Variants in GABRR3 observed in about 807,000 individuals in gnomAD.
GABRR3 encodes gamma-aminobutyric acid receptor subunit rho-3.
GABRR3 carries 29 observed loss-of-function variants against 43.2 expected under a neutral mutation model. The observed-to-expected ratio is 0.67, with a 90% CI of 0.50 to 0.92. The LOEUF is 0.92. GABRR3 is among the 40% of genes least tolerant of loss of function. The probability of loss-of-function intolerance (pLI) is 0.00; values close to 1 mark genes in which losing one functional copy is unlikely to be tolerated. For synonymous variants in GABRR3, 206 were observed against 195.9 expected, an observed-to-expected ratio of 1.05 and a Z score of -0.43; for missense variants, 576 against 572.3, an observed-to-expected ratio of 1.01 and a Z score of -0.07.
intron 7 of GABRR3, among the ~76,000 whole-genome samples, chr3:98,005,088 G>A (rs1037399094): frequency 7.9e-5 from 12 of 151,264 alleles, no homozygotes; most frequent in Non-Finnish European, 1.5e-4. Flanking sequence ...GCCTCCCTTC[G>A]GCATTTTTCC....
At chr3:97,985,476 C>T (rs1379474898), downstream of GABRR3, among the ~76,000 whole-genome samples, 5 of 152,224 alleles carry the variant, frequency 3.3e-5, no homozygotes, top group South Asian at 4.1e-4. Flanking sequence ...CTTTGGTATC[C>T]CCCTTTCAGA....
Position 97,986,737 on chromosome 3 carries a change from TA to T in GABRR3, c.1349del (p.Leu450TyrfsTer?). ...TAAATAAAATATACACAATGGGGAATAAAATCCTAGAATAGGTGTCAATGAC... is the reference window on the plus strand; with the variant it reads ...TAAATAAAATATACACAATGGGGAATAAATCCTAGAATAGGTGTCAATGAC... On this transcript the variant is annotated frameshift_variant, in exon 10 of 10. Transcript: ENST00000621172. LOFTEE classifies it high-confidence loss of function. 6.3e-7 allele frequency: 1 copy of T among 1,587,944 alleles called. No individual in the cohort carries two copies. The highest frequency in any genetic ancestry group is 1.1e-5 in the South Asian group (1 of 87,740).
chr3:98,008,748 C>T (rs201515971), intron 6 of GABRR3, among the ~76,000 whole-genome samples: 7 of 144,226 alleles, frequency 4.9e-5, no homozygotes, highest in Admixed American at 1.4e-4. Context: ...TCCCCTGAAC[C>T]TTCTCCTTTA....
downstream of GABRR3, among the ~76,000 whole-genome samples, chr3:97,985,381 T>C (rs373932083): frequency 6.6e-6 from 1 of 152,246 alleles, no homozygotes; most frequent in African/African-American, 2.4e-5. Flanking sequence ...TCATTCAGTT[T>C]TTTCACTCAA....
intron 3 of GABRR3, among the ~76,000 whole-genome samples, chr3:98,023,617 C>T (rs1706978536): frequency 6.6e-6 from 1 of 151,084 alleles, no homozygotes; most frequent in South Asian, 2.1e-4. Context: ...TGAGAACGGT[C>T]GTAAGGAAGA....
rs149891736 is a variant in GABRR3 at position 98,017,560 on chromosome 3, C to T, written c.306+95G>A. ...CAAAGTAGGAGACATAAATAACATA[C>T]ATAATTAAAATGATTTATTAAAACA... On this transcript the variant is annotated intron_variant, in intron 4 of 9. Coordinates refer to ENST00000621172, the Ensembl canonical transcript of GABRR3. The T allele has an allele frequency of 1.1e-4, 95 of 847,372 alleles. No homozygotes were observed. In the East Asian group the frequency reaches 2.3e-3, roughly 21 times the overall value. 52.5% of individuals were successfully genotyped at this position (847,372 alleles called of 1,614,324 possible).
In GABRR3 at chr3:98,007,748, A is replaced by G. The variant is rs759554251; in HGVS notation, c.754+16T>C. 4 of 1,613,118 alleles carry G rather than the reference A, an allele frequency of 2.5e-6. No homozygotes were observed. In the South Asian group the frequency reaches 3.3e-5, roughly 13 times the overall value. On this transcript the variant is annotated intron_variant, in intron 7 of 9. Transcript: ENST00000621172. ...TCCAATAAATGCTGATGAATCACCC[A>G]TGTAAAATGCTGTACCTGTGCTGCT...
chr3:98,017,557 A>T, intron 4 of GABRR3, 98 bp downstream of exon 4: 1 of 827,310 alleles, frequency 1.2e-6, no homozygotes, highest in Non-Finnish European at 2.0e-6. Context: ...CATAAATAAC[A>T]TACATAATTA....
chr3:98,001,551 T>C, intron 8 of GABRR3, 64 bp downstream of exon 8: 7 of 1,570,066 alleles, frequency 4.5e-6, no homozygotes, highest in Non-Finnish European at 6.1e-6. Context: ...GTATGACCCA[T>C]TTTATTTACC....
rs146996322 is a variant in GABRR3 at position 98,033,983 on chromosome 3, A to G, written c.125+880T>C. 2.0e-3 allele frequency among the ~76,000 whole-genome samples: 305 copies of G among 152,294 alleles called. 3 individuals are homozygous for G. The highest frequency in any genetic ancestry group is 1.2e-3 in the East Asian group (6 of 5,182). On this transcript the variant is annotated intron_variant, in intron 2 of 9. Transcript: ENST00000621172. ...GTTCTCTTTCCTGATCTTACAGTGAATGCATAATACATATTTAGGATGTGA... is the reference window on the plus strand; with the variant it reads ...GTTCTCTTTCCTGATCTTACAGTGAGTGCATAATACATATTTAGGATGTGA...
At chr3:98,019,321 T>C (rs893992587) in intron 3 of GABRR3, among the ~76,000 whole-genome samples, 1 of 152,132 alleles carries the variant, frequency 6.6e-6, no homozygotes, top group African/African-American at 2.4e-5. Context: ...ACCCAAGGTA[T>C]GTCTTGCCAG....
chr3:98,000,446 A>C (rs369707948), intron 8 of GABRR3: 1 of 152,134 alleles, frequency 6.6e-6, no homozygotes, highest in Non-Finnish European at 1.5e-5. Context: ...GCCACACTGC[A>C]GTACTGAGGT....
At chr3:98,015,643 G>A (rs796852042) in intron 4 of GABRR3, among the ~76,000 whole-genome samples, 2 of 152,318 alleles carry the variant, frequency 1.3e-5, no homozygotes, top group African/African-American at 4.8e-5. Context: ...ATTAACTCCT[G>A]AAAGTGGTGT....
chr3:98,008,798 CAAA>C (rs57502092), intron 6 of GABRR3, 155 bp downstream of exon 6: 80,832 of 113,784 alleles, frequency 0.71, 27,253 homozygotes, highest in East Asian at 0.92. Context: ...AAACAGAAAC[CAAA>C]AAAAAAAAAA....
intron 2 of GABRR3, among the ~76,000 whole-genome samples, chr3:98,026,793 AG>A (rs1707024540): frequency 6.6e-6 from 1 of 152,216 alleles, no homozygotes; most frequent in Admixed American, 6.5e-5. Flanking sequence ...TAAGACATGT[AG>A]GTGAACTTTC....
At chr3:98,007,764 C>T (rs761858072) in exon 7 of GABRR3, 209 of 1,613,390 alleles carry the variant, frequency 1.3e-4, no homozygotes, top group Non-Finnish European at 1.7e-4. Context: ...AATGCTGTAC[C>T]TGTGCTGCTA....
At chr3:97,993,728 T>C (rs1706501823) in intron 8 of GABRR3, among the ~76,000 whole-genome samples, 1 of 151,966 alleles carries the variant, frequency 6.6e-6, no homozygotes, top group Non-Finnish European at 1.5e-5. Flanking sequence ...TCTTCCCCAT[T>C]CCCCTCCTTT....
intron 7 of GABRR3, among the ~76,000 whole-genome samples, chr3:98,006,023 A>T (rs956463681): frequency 6.6e-6 from 1 of 152,134 alleles, no homozygotes; most frequent in Non-Finnish European, 1.5e-5. Flanking sequence ...TTATTTAAAT[A>T]TTAATTTAAT....
At chr3:98,021,779 T>C (rs1225602870) in intron 3 of GABRR3, among the ~76,000 whole-genome samples, 1 of 152,210 alleles carries the variant, frequency 6.6e-6, no homozygotes, top group Non-Finnish European at 1.5e-5. Context: ...TTTTTGTATA[T>C]GGCAAGATAT....
Sources: allele counts gnomAD v4.1 joint callset (sites outside exome capture counted in the v4.1 genomes callset), GRCh38; gene constraint gnomAD v4.1.1; transcripts MANE v1.5; gene names NCBI Gene and HGNC (gene_info 2026-07-23, HGNC 2026-07-21).